NIPA2: variants seen among roughly 807,000 people sequenced by gnomAD.
NIPA2 encodes magnesium transporter NIPA2.
NIPA2 carries 11 observed loss-of-function variants against 29.7 expected under a neutral mutation model. The ratio of observed to expected loss-of-function variants is 0.37; its 90% CI spans 0.23 to 0.61. NIPA2 has a LOEUF of 0.61. Ranked by LOEUF, NIPA2 falls within the 20% of genes least tolerant of loss-of-function variation. The pLI is 0.66. For missense variants in NIPA2, 426 were observed against 437.9 expected, an observed-to-expected ratio of 0.97 and a Z score of 0.24; for synonymous variants, 183 against 161.9, an observed-to-expected ratio of 1.13 and a Z score of -0.99.
At chr15:22,856,633 C>T (rs532056886) in intron 5 of NIPA2, among the ~76,000 whole-genome samples, 1 of 152,226 alleles carries the variant, frequency 6.6e-6, no homozygotes, top group East Asian at 1.9e-4. Context: ...AAAAGATTTA[C>T]ATCTGAAATA....
chr15:22,848,601 G>C (rs1460953016), intron 3 of NIPA2, among the ~76,000 whole-genome samples: 1 of 151,774 alleles, frequency 6.6e-6, no homozygotes, highest in Admixed American at 6.6e-5. Context: ...TGAGATGGGC[G>C]GATCACTCGA....
intron 2 of NIPA2, among the ~76,000 whole-genome samples, chr15:22,843,618 T>C (rs992095900): frequency 4.6e-5 from 7 of 152,044 alleles, no homozygotes; most frequent in African/African-American, 1.7e-4. Flanking sequence ...TTTAAGGCTG[T>C]CTATGCACTT....
At chr15:22,845,757 G>C (rs188540395) in intron 3 of NIPA2, among the ~76,000 whole-genome samples, 1 of 151,982 alleles carries the variant, frequency 6.6e-6, no homozygotes, top group Non-Finnish European at 1.5e-5. Context: ...GGCAGGAGAG[G>C]GGTGCCTGGC....
chr15:22,855,588 A>T (rs1237349018), intron 5 of NIPA2, among the ~76,000 whole-genome samples: 1 of 152,130 alleles, frequency 6.6e-6, no homozygotes, highest in Non-Finnish European at 1.5e-5. Context: ...TAGGTGGGAG[A>T]CATTAAACAA....
rs555760340 is a variant in NIPA2, at chr15:22,841,950, C to T, written c.-216+2160C>T. On this transcript the variant is annotated intron_variant, in intron 2 of 7. Transcript: ENST00000337451. Reference sequence around the variant, plus strand: ...TCTCTCCTTTGTTCTTTTCAAAAAGCTCTTTGAAGCTTCTACTCAAGTGTT... The same window carrying T: ...TCTCTCCTTTGTTCTTTTCAAAAAGTTCTTTGAAGCTTCTACTCAAGTGTT... Among the ~76,000 whole-genome samples the T allele has an allele frequency of 3.3e-4, 51 of 152,274 alleles. 3 individuals carry two copies. In the South Asian group the frequency reaches 9.3e-3, roughly 28 times the overall value.
At position 22,857,473 on chromosome 15, in the gene NIPA2, T is replaced by C. The variant is rs533320787; in HGVS notation, c.197-1067T>C. Reference sequence around the variant, plus strand: ...AAAAAAAAGTTTTATCAGAGCAATGTCTTTGTTTTGCACCCTGCTGTATAT... The same window carrying C: ...AAAAAAAAGTTTTATCAGAGCAATGCCTTTGTTTTGCACCCTGCTGTATAT... On this transcript the variant is annotated intron_variant, in intron 5 of 7. Transcript: ENST00000337451. Among the ~76,000 whole-genome samples the C allele has an allele frequency of 4.6e-5, 7 of 150,740 alleles. No individual in the cohort carries two copies. In the South Asian group the frequency reaches 1.5e-3, roughly 32 times the overall value.
intron 4 of NIPA2, 125 bp downstream of exon 4, chr15:22,851,995 C>A: frequency 2.5e-6 from 2 of 803,498 alleles, no homozygotes; most frequent in African/African-American, 1.7e-5. Context: ...TTCAAGAGTT[C>A]TAAATGTTTA....
At chr15:22,857,176 A>G (rs538412767) in intron 5 of NIPA2, among the ~76,000 whole-genome samples, 2 of 152,292 alleles carry the variant, frequency 1.3e-5, no homozygotes, top group East Asian at 3.9e-4. Flanking sequence ...CACGCCTGTA[A>G]TCCCAGCACT....
At chr15:22,849,638 C>G (rs376371739) in intron 3 of NIPA2, among the ~76,000 whole-genome samples, 26 of 151,640 alleles carry the variant, frequency 1.7e-4, no homozygotes, top group African/African-American at 5.6e-4. Flanking sequence ...CGGCTCACTG[C>G]AAGCTCCCCG....
chr15:22,844,426 C>T (rs1033011589), intron 2 of NIPA2, among the ~76,000 whole-genome samples: 2 of 151,984 alleles, frequency 1.3e-5, no homozygotes, highest in Admixed American at 6.6e-5. Flanking sequence ...TGGCAGTACA[C>T]GTCTGTAATC....
chr15:22,866,977 T>A lies in NIPA2; in HGVS notation c.*130T>A. 1 of 892,520 alleles carries A rather than the reference T, an allele frequency of 1.1e-6. No individual in the cohort carries two copies. Among genetic ancestry groups the A allele is most frequent in the Non-Finnish European group, 1.7e-6 (1 of 605,572 alleles). The allele number at this position is 892,520 out of a possible 1,614,324, so 55.3% of individuals were successfully genotyped here. A position where few individuals can be genotyped will look rare whatever the true frequency, so the allele number is the denominator to read the frequency against. On this transcript the variant is annotated 3_prime_UTR_variant, in exon 8 of 8. Coordinates refer to ENST00000337451, the MANE Select transcript of NIPA2 (RefSeq NM_030922.7). ...CAATCTTTTTAAAGATTTCACTAATTTGGACCAAGAAATTACTTTTCTTGT... is the reference window on the plus strand; with the variant it reads ...CAATCTTTTTAAAGATTTCACTAATATGGACCAAGAAATTACTTTTCTTGT...
At chr15:22,864,083 C>CT (rs1285974462) in intron 7 of NIPA2, among the ~76,000 whole-genome samples, 1 of 151,910 alleles carries the variant, frequency 6.6e-6, no homozygotes, top group Non-Finnish European at 1.5e-5. Flanking sequence ...AAGTTTTCCT[C>CT]TGTCTACATG....
At chr15:22,853,514 C>T (rs1268382303) in intron 5 of NIPA2, among the ~76,000 whole-genome samples, 1 of 151,658 alleles carries the variant, frequency 6.6e-6, no homozygotes, top group Non-Finnish European at 1.5e-5. Context: ...GTTGGGATTA[C>T]AGGCGTGCCA....
intron 5 of NIPA2, among the ~76,000 whole-genome samples, chr15:22,853,922 G>A (rs1434796505): frequency 6.6e-6 from 1 of 151,972 alleles, no homozygotes; most frequent in Non-Finnish European, 1.5e-5. Context: ...TCGCCTCCCG[G>A]GTTCAAGCGA....
At chr15:22,850,358 C>T (rs761220758) in intron 3 of NIPA2, among the ~76,000 whole-genome samples, 7 of 151,898 alleles carry the variant, frequency 4.6e-5, no homozygotes, top group Non-Finnish European at 8.8e-5. Flanking sequence ...GCACTCTGTT[C>T]CTTACACCTC....
At chr15:22,859,795 G>T (rs2058492173) in intron 6 of NIPA2, among the ~76,000 whole-genome samples, 1 of 151,940 alleles carries the variant, frequency 6.6e-6, no homozygotes, top group Non-Finnish European at 1.5e-5. Flanking sequence ...CAGGGTTATG[G>T]TATAAGTCAT....
At chr15:22,845,750 A>G (rs1185613943) in intron 3 of NIPA2, among the ~76,000 whole-genome samples, 1 of 152,068 alleles carries the variant, frequency 6.6e-6, no homozygotes, top group Admixed American at 6.6e-5. Flanking sequence ...TGAAGTGGGC[A>G]GGAGAGGGGT....
intron 3 of NIPA2, among the ~76,000 whole-genome samples, chr15:22,851,187 A>G (rs1241856669): frequency 6.6e-6 from 1 of 152,196 alleles, no homozygotes; most frequent in African/African-American, 2.4e-5. Flanking sequence ...AAATAAATAA[A>G]TTAGCATATG....
At chr15:22,864,050 T>G (rs1034223416) in intron 7 of NIPA2, among the ~76,000 whole-genome samples, 16 of 152,076 alleles carry the variant, frequency 1.1e-4, no homozygotes, top group Admixed American at 2.6e-4. Context: ...TTTTTGTTTT[T>G]TGAGGGACAG....
Sources: gnomAD v4.1 joint callset for allele counts (sites outside exome capture counted in the v4.1 genomes callset) on GRCh38, gnomAD v4.1.1 for gene constraint, MANE v1.5 for transcripts, NCBI Gene and HGNC (gene_info 2026-07-23, HGNC 2026-07-21) for gene names.